RPF1: variants seen among roughly 807,000 people sequenced by gnomAD.
RPF1 encodes ribosome production factor 1 homolog, also known as ribosome production factor 1.
RPF1 carries 34 observed loss-of-function variants against 41.9 expected under a neutral mutation model. The ratio of observed to expected loss-of-function variants is 0.81; its 90% CI spans 0.62 to 1.08. RPF1 has a LOEUF of 1.08. Among genes scored for constraint, RPF1 ranks in the 50% least tolerant of loss-of-function variants. RPF1 has a pLI of 0.00. For missense variants in RPF1, 425 were observed against 435.2 expected (o/e 0.98, Z 0.21); for synonymous variants, 140 against 148.9 (o/e 0.94, Z 0.43).
At chr1:84,494,164 A>G (rs1681888844) in intron 5 of RPF1, among the ~76,000 whole-genome samples, 1 of 152,322 alleles carries the variant, frequency 6.6e-6, no homozygotes, top group South Asian at 2.1e-4. Context: ...AGATGGTGAG[A>G]AAAAGGTCAG....
chr1:84,490,714 C>T (rs1196704880), intron 5 of RPF1, among the ~76,000 whole-genome samples: 3 of 152,046 alleles, frequency 2.0e-5, no homozygotes, highest in Non-Finnish European at 4.4e-5. Context: ...AGAGCTAAAA[C>T]AAGAGACAAC....
chr1:84,480,178 A>G (rs1226878210), intron 1 of RPF1, among the ~76,000 whole-genome samples: 2 of 152,130 alleles, frequency 1.3e-5, no homozygotes, highest in Admixed American at 6.5e-5. Context: ...GGCCCTTCTG[A>G]GGCCCGGGAC....
intron 5 of RPF1, among the ~76,000 whole-genome samples, chr1:84,491,685 G>A (rs1681838016): frequency 6.6e-6 from 1 of 152,046 alleles, no homozygotes; most frequent in African/African-American, 2.4e-5. Flanking sequence ...AAAGTGGCAA[G>A]GTCTGTTTTC....
chr1:84,495,810 T>C, intron 6 of RPF1, 72 bp from the exon 7 acceptor site: 1 of 997,062 alleles, frequency 1.0e-6, no homozygotes, highest in Non-Finnish European at 1.5e-6. Context: ...ATTTTGATAC[T>C]TGAAATTGCA....
intron 8 of RPF1, 49 bp from the exon 9 acceptor site, chr1:84,497,380 A>T (rs1448495801): frequency 1.4e-6 from 2 of 1,480,912 alleles, no homozygotes; most frequent in African/African-American, 1.4e-5. Context: ...ATTGTTAATT[A>T]TATTTTTGTT....
At position 84,479,395 on chromosome 1, in the gene RPF1, C is replaced by T. The variant is rs1460032846; in HGVS notation, c.114C>T (p.Asn38=). The change falls in exon 1 of 9, where the codon AAC becomes AAT. Residue 38 remains asparagine, a synonymous_variant. Coordinates refer to ENST00000370654, the MANE Select transcript of RPF1 (RefSeq NM_025065.7). ...GCGCTGGGGATGGGGCGACGGAAAA[C>T]GGGGTCCAACCCCCGAAAGCGGCTG... is the stretch of plus-strand genomic sequence containing the variant. ...AAGAGDGATE[N]GVQPPKAAAF... 6.2e-7 allele frequency: 1 copy of T among 1,614,160 alleles called. No individual in the cohort carries two copies. The highest frequency in any genetic ancestry group is 8.5e-7 in the Non-Finnish European group (1 of 1,179,996).
chr1:84,489,618 CT>C lies in RPF1; in HGVS notation c.367-13del. 1 of 1,461,774 alleles carries C rather than the reference CT, an allele frequency of 6.8e-7. No homozygotes were observed. Among genetic ancestry groups the C allele is most frequent in the Non-Finnish European group, 9.6e-7 (1 of 1,041,606 alleles). The allele number at this position is 1,461,774 out of a possible 1,614,324, so 90.6% of individuals were successfully genotyped here. ...ATTTCTTTGATGTAAAATTATTCCT[CT>C]TCTCTGTTCTCAGGTCGCTTATGAT... On this transcript the variant is annotated splice_polypyrimidine_tract_variant and intron_variant, in intron 3 of 8. Transcript: ENST00000370654.
intron 3 of RPF1, among the ~76,000 whole-genome samples, chr1:84,484,453 G>A (rs563372337): frequency 9.6e-4 from 146 of 151,770 alleles, no homozygotes; most frequent in African/African-American, 3.5e-3. Context: ...AAAGTCCCAG[G>A]TCATACATTC....
intron 3 of RPF1, among the ~76,000 whole-genome samples, chr1:84,487,266 T>G (rs1235077280): frequency 6.6e-6 from 1 of 152,220 alleles, no homozygotes; most frequent in Non-Finnish European, 1.5e-5. Flanking sequence ...ACTTTTGTGG[T>G]ACAAGAGTAG....
At chr1:84,481,706 A>G (rs772589987) in intron 2 of RPF1, among the ~76,000 whole-genome samples, 5 of 152,232 alleles carry the variant, frequency 3.3e-5, no homozygotes, top group Non-Finnish European at 7.3e-5. Flanking sequence ...CTAAATGCTC[A>G]TACATTATTG....
At chr1:84,495,160 A>G (rs1442895706) in intron 5 of RPF1, among the ~76,000 whole-genome samples, 1 of 152,180 alleles carries the variant, frequency 6.6e-6, no homozygotes, top group East Asian at 1.9e-4. Context: ...AGAGAAAAAA[A>G]GGACTACTCT....
chr1:84,484,658 G>A (rs1328032070), intron 3 of RPF1, among the ~76,000 whole-genome samples: 1 of 151,476 alleles, frequency 6.6e-6, no homozygotes, highest in South Asian at 2.1e-4. Context: ...AGTGTCCCTT[G>A]CCTGAAATGC....
chr1:84,484,662 G>C (rs1349522475), intron 3 of RPF1, among the ~76,000 whole-genome samples: 1 of 151,788 alleles, frequency 6.6e-6, no homozygotes, highest in African/African-American at 2.4e-5. Context: ...TCCCTTGCCT[G>C]AAATGCTTGG....
chr1:84,489,229 T>G (rs1681789097), intron 3 of RPF1, among the ~76,000 whole-genome samples: 2 of 152,216 alleles, frequency 1.3e-5, no homozygotes, highest in Non-Finnish European at 2.9e-5. Context: ...TTCATTAATG[T>G]TTAAATCTGA....
intron 3 of RPF1, among the ~76,000 whole-genome samples, chr1:84,486,196 G>A (rs960891399): frequency 2.0e-5 from 3 of 152,088 alleles, no homozygotes; most frequent in African/African-American, 7.2e-5. Context: ...AGGAAAGTAT[G>A]ATGAAGAAGA....
intron 3 of RPF1, 127 bp downstream of exon 3, chr1:84,483,122 G>T (rs1681681223): frequency 5.5e-6 from 3 of 540,760 alleles, no homozygotes; most frequent in South Asian, 3.3e-5. Context: ...TAAAATGTTG[G>T]CATATTATCT....
intron 3 of RPF1, among the ~76,000 whole-genome samples, chr1:84,486,285 G>A (rs114191360): frequency 0.013 from 1,993 of 152,062 alleles, 24 homozygotes; most frequent in South Asian, 0.036. Flanking sequence ...CACTGGGTGG[G>A]TTAGAATAGA....
At chr1:84,485,131 G>A (rs987727594) in intron 3 of RPF1, among the ~76,000 whole-genome samples, 4 of 152,060 alleles carry the variant, frequency 2.6e-5, no homozygotes, top group Non-Finnish European at 5.9e-5. Flanking sequence ...TGGAGATGGA[G>A]TCTCGCTCTG....
In RPF1 at chr1:84,482,926, G is replaced by T; in HGVS notation, c.297G>T (p.Lys99Asn). The change falls in exon 3 of 9, where the codon AAG becomes AAT. Residue 99 changes from lysine to asparagine, a missense_variant. Transcript: ENST00000370654. ...TCTCTTTTACTTAGGCTCCACCAAA[G>T]CCTGTACCCAAGACCATTGACAACC... is the stretch of plus-strand genomic sequence containing the variant. ...REALGDKAPP[K>N]PVPKTIDNQR... 1.2e-6 allele frequency: 2 copies of T among 1,608,320 alleles called. No individual in the cohort carries two copies. The highest frequency in any genetic ancestry group is 8.5e-7 in the Non-Finnish European group (1 of 1,174,926).
Sources: allele counts gnomAD v4.1 joint callset (sites outside exome capture counted in the v4.1 genomes callset), GRCh38; gene constraint gnomAD v4.1.1; transcripts MANE v1.5; gene names NCBI Gene and HGNC (gene_info 2026-07-23, HGNC 2026-07-21).